NAV2: variants seen among roughly 807,000 people sequenced by gnomAD.
The protein encoded by NAV2 is neuron navigator 2, also known as helicase, APC down-regulated 1.
A neutral mutation model predicts 223.2 loss-of-function variants in NAV2; 54 were observed. The observed-to-expected ratio is 0.24, with a 90% confidence interval of 0.19 to 0.30. The LOEUF is 0.30. NAV2 is among the 10% of genes least tolerant of loss of function. The pLI is 1.00. For synonymous variants in NAV2, 1,279 were observed against 1,239.3 expected (o/e 1.03, Z -0.67); for missense variants, 2,806 against 3,147.5 (o/e 0.89, Z 2.60).
chr11:19,807,393 C>G (rs1452556111), intron 1 of NAV2, among the ~76,000 whole-genome samples: 1 of 152,230 alleles, frequency 6.6e-6, no homozygotes, highest in Non-Finnish European at 1.5e-5. Flanking sequence ...ATGCTGCCTT[C>G]TTGAGCTGGT....
chr11:19,946,491 G>A lies in NAV2; in HGVS notation c.2237G>A (p.Gly746Glu). The change falls in exon 9 of 38, where the codon GGA becomes GAA. Residue 746 changes from glycine to glutamate, a missense_variant. Physicochemically the swap from Gly to Glu is moderately conservative, Grantham distance 98. Coordinates refer to ENST00000349880, the MANE Select transcript of NAV2 (RefSeq NM_145117.5). ...GAGGAAACCATGTCCAGTTTAAGGG[G>A]AACTCAGGTTACACACAGGTATCTG... is the stretch of plus-strand genomic sequence containing the variant. ...NLEETMSSLRGTQVTHSTLET... is the reference protein window; with the variant it reads ...NLEETMSSLRETQVTHSTLET... The A allele has an allele frequency of 1.2e-6, 2 of 1,613,354 alleles. No homozygotes were observed. The highest frequency in any genetic ancestry group is 8.5e-7 in the Non-Finnish European group (1 of 1,179,712).
intron 1 of NAV2, among the ~76,000 whole-genome samples, chr11:19,792,093 A>G (rs1204102629): frequency 6.6e-6 from 1 of 152,220 alleles, no homozygotes; most frequent in Non-Finnish European, 1.5e-5. Context: ...CGTTATATAC[A>G]TGCATGGCAA....
chr11:19,779,564 T>C (rs1251369786), intron 1 of NAV2, among the ~76,000 whole-genome samples: 2 of 152,268 alleles, frequency 1.3e-5, no homozygotes, highest in African/African-American at 4.8e-5. Flanking sequence ...CAGATGATTC[T>C]TGGTTTGAAT....
upstream of NAV2, among the ~76,000 whole-genome samples, chr11:19,349,002 G>A (rs1180659292): frequency 2.0e-5 from 3 of 152,208 alleles, no homozygotes; most frequent in East Asian, 5.8e-4. Context: ...TCCCTTGAAG[G>A]GGCTGTGGAG....
intron 11 of NAV2, among the ~76,000 whole-genome samples, chr11:20,030,780 G>A (rs746165699): frequency 7.9e-5 from 12 of 152,066 alleles, no homozygotes; most frequent in Non-Finnish European, 1.5e-4. Flanking sequence ...TTTTACAACC[G>A]TAATCCAATT....
At chr11:19,955,268 G>A (rs2047752653) in intron 10 of NAV2, among the ~76,000 whole-genome samples, 1 of 152,024 alleles carries the variant, frequency 6.6e-6, no homozygotes, top group Non-Finnish European at 1.5e-5. Context: ...TGTTCATGGT[G>A]GCATGTTCCT....
chr11:19,563,183 G>A (rs950155653), intron 1 of NAV2, among the ~76,000 whole-genome samples: 1 of 152,196 alleles, frequency 6.6e-6, no homozygotes, highest in African/African-American at 2.4e-5. Flanking sequence ...TCTTTTCATT[G>A]CTTAGATGGA....
intron 14 of NAV2, among the ~76,000 whole-genome samples, chr11:20,048,493 G>T (rs1591837515): frequency 6.6e-6 from 1 of 152,318 alleles, no homozygotes; most frequent in East Asian, 1.9e-4. Context: ...GGCTCAGATG[G>T]AGTCAGAGTC....
At chr11:20,050,854 CATTGCCAGTGGCATTTAGGGGGTGGG>C (rs1227794396) in intron 16 of NAV2, among the ~76,000 whole-genome samples, 3 of 152,196 alleles carry the variant, frequency 2.0e-5, no homozygotes. Flanking sequence ...CATTTGAAGT[CATTGCCAGTGGCATTTAGGGGGTGGG>C]CCAGAGTTAG....
chr11:19,356,122 A>C (rs1853600495), intron 1 of NAV2, among the ~76,000 whole-genome samples: 1 of 152,214 alleles, frequency 6.6e-6, no homozygotes, highest in African/African-American at 2.4e-5. Context: ...TCTTCCTGAC[A>C]TGAATGAAGG....
chr11:19,864,205 C>CA (rs1292059262), intron 3 of NAV2, among the ~76,000 whole-genome samples: 1 of 152,136 alleles, frequency 6.6e-6, no homozygotes, highest in Admixed American at 6.5e-5. Flanking sequence ...AGGGGCTTGG[C>CA]AAAAAACTAT....
intron 1 of NAV2, among the ~76,000 whole-genome samples, chr11:19,360,914 A>G (rs569049583): frequency 1.4e-4 from 21 of 152,316 alleles, no homozygotes; most frequent in African/African-American, 4.8e-4. Flanking sequence ...AGGTCCCACA[A>G]ACTGGCAGAT....
At chr11:19,905,872 G>C (rs1236513703) in intron 6 of NAV2, among the ~76,000 whole-genome samples, 1 of 152,112 alleles carries the variant, frequency 6.6e-6, no homozygotes, top group East Asian at 1.9e-4. Context: ...TTACTGCCTA[G>C]GAAATAGATA....
At chr11:19,692,613 G>A (rs2049210316) in intron 1 of NAV2, among the ~76,000 whole-genome samples, 1 of 152,152 alleles carries the variant, frequency 6.6e-6, no homozygotes, top group South Asian at 2.1e-4. Context: ...AGAATCTAAT[G>A]AGCAAAATCA....
rs75409346 is a variant in NAV2 at position 19,574,625 on chromosome 11, T to G, written c.75+223598T>G. 9.0e-3 allele frequency among the ~76,000 whole-genome samples: 1,375 copies of G among 152,346 alleles called. 16 individuals are homozygous for G. The highest frequency in any genetic ancestry group is 0.014 in the Non-Finnish European group (967 of 68,032). ...TTTACTTCCTTCCTTCCATCCCGTT[T>G]ATTTTTGTTGATCACCTATTAAGTG... On this transcript the variant is annotated intron_variant, in intron 1 of 37. Transcript: ENST00000360655.
At chr11:19,695,218 C>T (rs1044353700) in intron 1 of NAV2, among the ~76,000 whole-genome samples, 1 of 152,226 alleles carries the variant, frequency 6.6e-6, no homozygotes, top group East Asian at 1.9e-4. Flanking sequence ...TGAGTCGGCA[C>T]TCTCCGGTCC....
At chr11:19,568,617 C>G (rs1297276599) in intron 1 of NAV2, among the ~76,000 whole-genome samples, 1 of 152,222 alleles carries the variant, frequency 6.6e-6, no homozygotes, top group East Asian at 1.9e-4. Context: ...GACTTGATCT[C>G]ATTGACTTCT....
chr11:19,769,013 G>C (rs528460859), intron 1 of NAV2, among the ~76,000 whole-genome samples: 3 of 152,324 alleles, frequency 2.0e-5, no homozygotes, highest in South Asian at 4.1e-4. Context: ...GTGCAGCTTT[G>C]GACAGCTCAT....
intron 1 of NAV2, among the ~76,000 whole-genome samples, chr11:19,831,485 T>C (rs1406025278): frequency 6.6e-6 from 1 of 152,056 alleles, no homozygotes; most frequent in African/African-American, 2.4e-5. Context: ...TGACCAATCA[T>C]TTGTTCCTAT....
Sources: gnomAD v4.1 joint callset for allele counts (sites outside exome capture counted in the v4.1 genomes callset) on GRCh38, gnomAD v4.1.1 for gene constraint, MANE v1.5 for transcripts, NCBI Gene and HGNC (gene_info 2026-07-23, HGNC 2026-07-21) for gene names.